MTUS1: variants seen among roughly 807,000 people sequenced by gnomAD.
The protein encoded by MTUS1 is microtubule-associated tumor suppressor 1.
MTUS1 carries 109 observed loss-of-function variants against 120.8 expected under a neutral mutation model. The ratio of observed to expected loss-of-function variants is 0.90; its 90% CI spans 0.77 to 1.06. MTUS1 has a LOEUF of 1.06. Ranked by LOEUF, MTUS1 falls within the 50% of genes least tolerant of loss-of-function variation. MTUS1 has a pLI of 0.00. For missense variants in MTUS1, 2,210 were observed against 1,486.3 expected (o/e 1.49, Z -8.01); for synonymous variants, 737 against 550.5 (o/e 1.34, Z -4.74).
chr8:17,680,716 C>G (rs75054415), intron 7 of MTUS1, among the ~76,000 whole-genome samples: 4,999 of 152,100 alleles, frequency 0.033, 182 homozygotes, highest in South Asian at 0.15. Context: ...CTGATAAAGG[C>G]CTCGGCTTGT....
chr8:17,653,761 G>A (rs1368932073), intron 10 of MTUS1: 3 of 352,672 alleles, frequency 8.5e-6, no homozygotes, highest in Admixed American at 4.8e-5. Context: ...TGCGACCTTA[G>A]GACAACACTG....
At chr8:17,701,193 C>T (rs1373621590) in intron 6 of MTUS1, among the ~76,000 whole-genome samples, 5 of 152,132 alleles carry the variant, frequency 3.3e-5, no homozygotes, top group Non-Finnish European at 7.4e-5. Context: ...TATTTATCTC[C>T]TTACTTTCCC....
intron 1 of MTUS1, among the ~76,000 whole-genome samples, chr8:17,762,183 G>A (rs1288223101): frequency 4.6e-5 from 7 of 152,156 alleles, no homozygotes; most frequent in Non-Finnish European, 8.8e-5. Flanking sequence ...GGAGGCTGAG[G>A]CAGGAGAATC....
intron 6 of MTUS1, among the ~76,000 whole-genome samples, chr8:17,690,733 A>T (rs1009673643): frequency 3.3e-5 from 5 of 152,166 alleles, no homozygotes; most frequent in African/African-American, 1.2e-4. Context: ...AGGGAGAAAA[A>T]AGGCAAATCT....
chr8:17,786,037 G>A (rs183156784), intron 1 of MTUS1, among the ~76,000 whole-genome samples: 45 of 152,322 alleles, frequency 3.0e-4, no homozygotes, highest in African/African-American at 1.0e-3. Flanking sequence ...CTACTCAGGA[G>A]GCTGACACCA....
At chr8:17,719,578 G>A (rs4921559) in intron 4 of MTUS1, among the ~76,000 whole-genome samples, 67,193 of 151,992 alleles carry the variant, frequency 0.44, 15,720 homozygotes, top group Middle Eastern at 0.62. Context: ...GTGATGTGGA[G>A]CCTAATGAAT....
chr8:17,754,419 G>A lies in MTUS1; in HGVS notation c.1389C>T (p.Asn463=), dbSNP rs748684539. 2 of 1,614,038 alleles carry A rather than the reference G, an allele frequency of 1.2e-6. No homozygotes were observed. Among genetic ancestry groups the A allele is most frequent in the Non-Finnish European group, 8.5e-7 (1 of 1,180,038 alleles). The change falls in exon 2 of 15, where the codon AAC becomes AAT. Residue 463 remains asparagine (N), a synonymous_variant. Transcript: ENST00000693296. ...CAGGTGCCTCCTTCGAGTCTGGTAT[G>A]TTTTTAAGCCCTCGATTACCCTTCT... ...KVEKGNRGLK[N]IPDSKEAPVN...
chr8:17,725,736 T>A (rs936011233), intron 3 of MTUS1, among the ~76,000 whole-genome samples: 2 of 152,182 alleles, frequency 1.3e-5, no homozygotes, highest in Non-Finnish European at 2.9e-5. Flanking sequence ...GCTAACCCAA[T>A]ACAAATTCAT....
intron 6 of MTUS1, among the ~76,000 whole-genome samples, chr8:17,709,201 GGAAACT>G (rs1820780235): frequency 6.6e-6 from 1 of 151,814 alleles, no homozygotes; most frequent in Non-Finnish European, 1.5e-5. Context: ...ATTACACTGA[GGAAACT>G]GAATACACCT....
At chr8:17,717,079 T>C (rs983227726) in intron 4 of MTUS1, among the ~76,000 whole-genome samples, 1 of 152,240 alleles carries the variant, frequency 6.6e-6, no homozygotes, top group Non-Finnish European at 1.5e-5. Flanking sequence ...ATAGTGCTTA[T>C]ACACATCACA....
At chr8:17,758,654 T>A (rs1342937068) in intron 1 of MTUS1, among the ~76,000 whole-genome samples, 1 of 152,254 alleles carries the variant, frequency 6.6e-6, no homozygotes, top group Non-Finnish European at 1.5e-5. Flanking sequence ...TACAGCTTTC[T>A]GCTTCCCTAA....
chr8:17,777,292 T>G (rs1490935179), intron 1 of MTUS1, among the ~76,000 whole-genome samples: 1 of 151,570 alleles, frequency 6.6e-6, no homozygotes, highest in Admixed American at 6.6e-5. Context: ...CAAAAAAAAT[T>G]AGCCAGACAT....
At position 17,712,544 on chromosome 8, in the gene MTUS1, G is replaced by C. The variant is rs182153992; in HGVS notation, c.2623+670C>G. Among the ~76,000 whole-genome samples, 24 of 152,182 alleles carry C rather than the reference G, an allele frequency of 1.6e-4. No homozygotes were observed. The Middle Eastern group carries it at 0.014, about 86-fold the overall frequency. ...AGTAGAGATGGGGTTTCACCATGTT[G>C]GCCAGGCTGGTCTTGAACTCCTGAC... On this transcript the variant is annotated intron_variant, in intron 6 of 14. Coordinates refer to ENST00000693296, the MANE Select transcript of MTUS1 (RefSeq NM_001363059.2).
At chr8:17,647,113 A>G (rs2129989499) in intron 13 of MTUS1, 34 bp from the exon 14 acceptor site, 3 of 1,541,718 alleles carry the variant, frequency 1.9e-6, no homozygotes, top group Non-Finnish European at 2.7e-6. Context: ...CATTTATACA[A>G]TATTAAAAAA....
chr8:17,754,652 A>C lies in MTUS1; in HGVS notation c.1156T>G (p.Leu386Val). 6.2e-7 allele frequency: 1 copy of C among 1,614,210 alleles called. No homozygotes were observed. Among genetic ancestry groups the C allele is most frequent in the African/African-American group, 1.3e-5 (1 of 75,068 alleles). The change falls in exon 2 of 15, where the codon TTG (leucine) becomes GTG (valine). Residue 386 changes from leucine to valine, a missense_variant. Physicochemically the swap from Leu to Val is conservative, Grantham distance 32. Transcript: ENST00000693296. ...DTQMVSKGKDLGTQNHTSELI... is the reference protein window; with the variant it reads ...DTQMVSKGKDVGTQNHTSELI... ...TCTGAGGTATGATTTTGGGTTCCCA[A>C]ATCCTTTCCTTTGGAGACCATTTGT...
At chr8:17,751,982 A>T (rs2048235999) in intron 2 of MTUS1, among the ~76,000 whole-genome samples, 1 of 152,088 alleles carries the variant, frequency 6.6e-6, no homozygotes, top group African/African-American at 2.4e-5. Flanking sequence ...TTCATATCTA[A>T]TTATGAATCC....
intron 3 of MTUS1, among the ~76,000 whole-genome samples, chr8:17,742,288 G>GTTTT (rs1362170650): frequency 2.5e-4 from 17 of 67,578 alleles, no homozygotes; most frequent in East Asian, 8.2e-4. Context: ...TTTTGTTGTT[G>GTTTT]TTGTTTTTTT....
intron 1 of MTUS1, among the ~76,000 whole-genome samples, chr8:17,766,342 G>T (rs1176556367): frequency 6.6e-6 from 1 of 152,138 alleles, no homozygotes; most frequent in East Asian, 1.9e-4. Flanking sequence ...ATGAGAAAAT[G>T]TTTAATTCCC....
chr8:17,715,440 C>T, intron 5 of MTUS1, among the ~76,000 whole-genome samples: 1 of 152,216 alleles, frequency 6.6e-6, no homozygotes, highest in South Asian at 2.1e-4. Flanking sequence ...AACATCTACC[C>T]TGATGAAAAG....
Sources: gnomAD v4.1 joint callset for allele counts (sites outside exome capture counted in the v4.1 genomes callset) on GRCh38, gnomAD v4.1.1 for gene constraint, MANE v1.5 for transcripts, NCBI Gene and HGNC (gene_info 2026-07-23, HGNC 2026-07-21) for gene names.